LOXL2: variants seen among roughly 807,000 people sequenced by gnomAD.
The protein encoded by LOXL2 is lysyl oxidase homolog 2.
LOXL2 carries 70 observed loss-of-function variants against 93.0 expected under a neutral mutation model. The ratio of observed to expected loss-of-function variants is 0.75; its 90% CI spans 0.62 to 0.92. The LOEUF (loss-of-function observed/expected upper bound fraction) is 0.92. Among genes scored for constraint, LOXL2 ranks in the 40% least tolerant of loss-of-function variants. The pLI is 0.00. For synonymous variants in LOXL2, 438 were observed against 413.2 expected (o/e 1.06, Z -0.73); for missense variants, 973 against 1,054.9 (o/e 0.92, Z 1.08).
intron 3 of LOXL2, among the ~76,000 whole-genome samples, chr8:23,350,207 G>A (rs1364807201): frequency 6.6e-6 from 1 of 152,158 alleles, no homozygotes; most frequent in Non-Finnish European, 1.5e-5. Context: ...CACAGTATGA[G>A]GCATGCTGTA....
At chr8:23,358,218 A>G (rs1305416322) in intron 3 of LOXL2, among the ~76,000 whole-genome samples, 1 of 152,218 alleles carries the variant, frequency 6.6e-6, no homozygotes, top group Non-Finnish European at 1.5e-5. Context: ...CTCCATCACA[A>G]TCTCTCTAGT....
At chr8:23,383,518 A>AC (rs1804708405) in intron 1 of LOXL2, among the ~76,000 whole-genome samples, 1 of 152,170 alleles carries the variant, frequency 6.6e-6, no homozygotes, top group Non-Finnish European at 1.5e-5. Flanking sequence ...CATCCTATCA[A>AC]TACTACCTTT....
Position 23,298,832 on chromosome 8 carries a change from T to G in LOXL2, c.2245+4A>C, listed in dbSNP as rs1406864872. 1 of 1,600,366 alleles carries G rather than the reference T, an allele frequency of 6.2e-7. No individual in the cohort carries two copies. Among genetic ancestry groups the G allele is most frequent in the African/African-American group, 1.3e-5 (1 of 74,722 alleles). On this transcript the variant is annotated splice_donor_region_variant and intron_variant, in intron 13 of 13. Coordinates refer to ENST00000389131, the MANE Select transcript of LOXL2 (RefSeq NM_002318.3). ...TTCCTGGAGTGGGGGCGGCCTGGCC[T>G]TACCTATGTGGCAGTTGTACATCCA...
At chr8:23,310,776 C>T (rs58308438) in intron 9 of LOXL2, among the ~76,000 whole-genome samples, 2,839 of 152,320 alleles carry the variant, frequency 0.019, 89 homozygotes, top group African/African-American at 0.065. Context: ...AGAGTTTTCC[C>T]CAGGTGCCTG....
chr8:23,338,349 C>T (rs1224614513), intron 4 of LOXL2, among the ~76,000 whole-genome samples: 1 of 151,756 alleles, frequency 6.6e-6, no homozygotes, highest in Non-Finnish European at 1.5e-5. Context: ...GGGGGCAGCT[C>T]TCAGGCTTCC....
chr8:23,317,007 C>T lies in LOXL2; in HGVS notation c.1578G>A (p.Glu526=), dbSNP rs1585347014. Residue 526 remains glutamate, a synonymous_variant, in exon 9 of 14, where the codon GAG becomes GAA. Coordinates refer to ENST00000389131, the MANE Select transcript of LOXL2 (RefSeq NM_002318.3). ...LSLAHCRHDG[E]DVACPQGGVQ... is the part of the protein sequence containing the mutation. Reference sequence around the variant, plus strand: ...CTCCGCCCTGGGGGCAGGCCACGTCCTCCCCGTCGTGGCGGCAGTGCGCCA... The same window carrying T: ...CTCCGCCCTGGGGGCAGGCCACGTCTTCCCCGTCGTGGCGGCAGTGCGCCA... The T allele has an allele frequency of 6.2e-7, 1 of 1,614,150 alleles. No individual in the cohort carries two copies. Among genetic ancestry groups the T allele is most frequent in the Non-Finnish European group, 8.5e-7 (1 of 1,179,994 alleles).
chr8:23,352,735 C>T (rs1025659528), intron 3 of LOXL2, among the ~76,000 whole-genome samples: 1 of 151,892 alleles, frequency 6.6e-6, no homozygotes, highest in African/African-American at 2.4e-5. Context: ...CAGAAGAACG[C>T]GAGAGAGCAG....
At chr8:23,355,512 CTTT>C (rs58824822) in intron 3 of LOXL2, among the ~76,000 whole-genome samples, 1 of 80,322 alleles carries the variant, frequency 1.2e-5, no homozygotes, top group Non-Finnish European at 2.3e-5. Context: ...TTGACATTCA[CTTT>C]TTTTTTTTTT....
chr8:23,377,644 T>G (rs1378131467), intron 1 of LOXL2, among the ~76,000 whole-genome samples: 1 of 152,216 alleles, frequency 6.6e-6, no homozygotes, highest in Non-Finnish European at 1.5e-5. Flanking sequence ...GCATATACAT[T>G]TAAGATAGTT....
At chr8:23,398,857 G>T (rs565899500) in intron 1 of LOXL2, among the ~76,000 whole-genome samples, 1 of 152,070 alleles carries the variant, frequency 6.6e-6, no homozygotes, top group Admixed American at 6.5e-5. Context: ...TATGTTGCCA[G>T]CTATTCTGAA....
rs541687957 is a variant in LOXL2, at chr8:23,379,714, C to T, written c.-83-11280G>A. 1.1e-4 allele frequency among the ~76,000 whole-genome samples: 16 copies of T among 152,304 alleles called. No individual in the cohort carries two copies. In the South Asian group the frequency reaches 3.3e-3, roughly 32 times the overall value. Reference sequence around the variant, plus strand: ...TGCTGTGCTAGCAATGAGTGAGGCTCCGTGGGCGTGGGACCCCCCGAGCCA... The same window carrying T: ...TGCTGTGCTAGCAATGAGTGAGGCTTCGTGGGCGTGGGACCCCCCGAGCCA... On this transcript the variant is annotated intron_variant, in intron 1 of 13. Coordinates refer to ENST00000389131, the MANE Select transcript of LOXL2 (RefSeq NM_002318.3).
At chr8:23,361,902 T>C (rs1804298937) in intron 2 of LOXL2, among the ~76,000 whole-genome samples, 2 of 152,024 alleles carry the variant, frequency 1.3e-5, no homozygotes, top group African/African-American at 4.8e-5. Context: ...CTGGCAAGGG[T>C]ATGGAAACTG....
At chr8:23,334,647 T>A (rs755390475) in intron 4 of LOXL2, among the ~76,000 whole-genome samples, 76 of 151,934 alleles carry the variant, frequency 5.0e-4, no homozygotes, top group Non-Finnish European at 9.0e-4. Flanking sequence ...TGTTTTTTTT[T>A]AAAGGCAGAA....
intron 2 of LOXL2, among the ~76,000 whole-genome samples, chr8:23,360,742 T>TGATGATGATAATGATGAC (rs1804275834): frequency 6.6e-6 from 1 of 152,086 alleles, no homozygotes; most frequent in East Asian, 1.9e-4. Context: ...AAAATAGTGA[T>TGATGATGATAATGATGAC]GATGATGATA....
chr8:23,330,250 C>T (rs552313426), intron 5 of LOXL2, among the ~76,000 whole-genome samples: 3 of 152,336 alleles, frequency 2.0e-5, no homozygotes, highest in East Asian at 1.9e-4. Flanking sequence ...AGGAGAATGG[C>T]GTGAACCCGG....
At position 23,333,443 on chromosome 8, in the gene LOXL2, G is replaced by A. The variant is rs1033058795; in HGVS notation, c.924C>T (p.Ser308=). ...VVSCVPGQVF[S]PDGPSRFRKA... The stretch of plus-strand genomic sequence containing the variant: ...TCCGGAATCTTGAGGGTCCGTCAGG[G>A]CTGAAGACCTGCCCAGGCACACAAC... Residue 308 remains serine, a synonymous_variant, in exon 5 of 14, where the codon AGC becomes AGT. Coordinates refer to ENST00000389131, the MANE Select transcript of LOXL2 (RefSeq NM_002318.3). 8.1e-6 allele frequency: 13 copies of A among 1,613,898 alleles called. 1 individual carries two copies. Among genetic ancestry groups the A allele is most frequent in the Admixed American group, 1.7e-5 (1 of 60,028 alleles).
At position 23,368,050 on chromosome 8, in the gene LOXL2, C is replaced by T; in HGVS notation, c.302G>A (p.Gly101Asp). Residue 101 changes from glycine (G) to aspartate (D), a missense_variant, in exon 2 of 14, where the codon GGC (glycine) becomes GAC (aspartate). Gly to Asp is a moderately conservative substitution (Grantham distance 94). Transcript: ENST00000389131. ...HAAHVVCREL[G>D]YVEAKSWTAS... ...AGTCCAGGACTTGGCCTCCACGTAG[C>T]CCAGCTCCCGGCAGACGACGTGGGC... 6.2e-7 allele frequency: 1 copy of T among 1,613,968 alleles called. No homozygotes were observed. Among genetic ancestry groups the T allele is most frequent in the Non-Finnish European group, 8.5e-7 (1 of 1,180,044 alleles).
At chr8:23,400,320 A>G (rs572694648) in intron 1 of LOXL2, among the ~76,000 whole-genome samples, 2 of 152,346 alleles carry the variant, frequency 1.3e-5, no homozygotes, top group South Asian at 4.1e-4. Flanking sequence ...ATCATGGCAG[A>G]AGACAAAGGA....
chr8:23,382,678 A>G (rs894199964), intron 1 of LOXL2, among the ~76,000 whole-genome samples: 17 of 152,044 alleles, frequency 1.1e-4, no homozygotes, highest in African/African-American at 4.1e-4. Flanking sequence ...GAACAAGACT[A>G]TTATTATGGG....
Sources: gnomAD v4.1 joint callset for allele counts (sites outside exome capture counted in the v4.1 genomes callset) on GRCh38, gnomAD v4.1.1 for gene constraint, MANE v1.5 for transcripts, NCBI Gene and HGNC (gene_info 2026-07-23, HGNC 2026-07-21) for gene names.